The following GMDS variants were observed in gnomAD, a reference collection of about 807,000 sequenced individuals.
GMDS encodes GDP-mannose 4,6 dehydratase.
Under a neutral mutation model 49.9 loss-of-function variants are expected in GMDS, and 20 were observed. That is an observed-to-expected ratio of 0.40 (90% confidence interval 0.28 to 0.58). The LOEUF is 0.58. GMDS is among the 20% of genes least tolerant of loss of function. The probability of loss-of-function intolerance (pLI) is 0.42; values close to 1 mark genes in which losing one functional copy is unlikely to be tolerated. For missense variants in GMDS, 362 were observed against 481.4 expected, an observed-to-expected ratio of 0.75 and a Z score of 2.32; for synonymous variants, 177 against 178.6, an observed-to-expected ratio of 0.99 and a Z score of 0.07.
At chr6:1,990,906 TCTAA>T (rs988763408) in intron 4 of GMDS, among the ~76,000 whole-genome samples, 4 of 152,110 alleles carry the variant, frequency 2.6e-5, no homozygotes, top group African/African-American at 7.2e-5. Flanking sequence ...TTCCTTCTAC[TCTAA>T]CTCTCTGGCT....
At chr6:2,064,135 T>C (rs756220449) in intron 4 of GMDS, among the ~76,000 whole-genome samples, 2 of 152,152 alleles carry the variant, frequency 1.3e-5, no homozygotes, top group Non-Finnish European at 2.9e-5. Context: ...GCTTTCAGAA[T>C]ACAAAGAGTA....
intron 7 of GMDS, among the ~76,000 whole-genome samples, chr6:1,813,163 A>T (rs192143606): frequency 6.7e-6 from 1 of 149,158 alleles, no homozygotes; most frequent in East Asian, 2.0e-4. Context: ...TCAAGGCTAC[A>T]GGAAGCTGTG....
chr6:2,040,518 T>C (rs1264306356), intron 4 of GMDS, among the ~76,000 whole-genome samples: 1 of 152,204 alleles, frequency 6.6e-6, no homozygotes, highest in Non-Finnish European at 1.5e-5. Context: ...ATTAATAACA[T>C]TATCTTTGTA....
chr6:1,687,548 AG>A, intron 9 of GMDS, among the ~76,000 whole-genome samples: 1 of 3,050 alleles, frequency 3.3e-4, no homozygotes, highest in Non-Finnish European at 1.1e-3. Flanking sequence ...CCTGTGTTCC[AG>A]GCACCGTCCT....
At chr6:2,214,470 A>G (rs1309993672) in intron 1 of GMDS, among the ~76,000 whole-genome samples, 2 of 152,200 alleles carry the variant, frequency 1.3e-5, no homozygotes, top group Non-Finnish European at 2.9e-5. Context: ...AACTATTTAC[A>G]TAGCATTTTC....
intron 7 of GMDS, among the ~76,000 whole-genome samples, chr6:1,917,430 C>T (rs1282648140): frequency 1.3e-5 from 2 of 152,216 alleles, no homozygotes; most frequent in Non-Finnish European, 2.9e-5. Flanking sequence ...CCGTGCTCTC[C>T]TAACCATGGT....
intron 4 of GMDS, among the ~76,000 whole-genome samples, chr6:1,965,726 A>C (rs552213154): frequency 1.3e-5 from 2 of 152,276 alleles, no homozygotes; most frequent in Non-Finnish European, 2.9e-5. Flanking sequence ...CCAGCTACTC[A>C]AGAGGCTGAA....
chr6:2,106,536 C>T (rs1774251856), intron 4 of GMDS, among the ~76,000 whole-genome samples: 1 of 152,064 alleles, frequency 6.6e-6, no homozygotes, highest in South Asian at 2.1e-4. Flanking sequence ...TATGTCTTCA[C>T]CTTAATTTAT....
At chr6:1,824,410 G>A (rs553405642) in intron 7 of GMDS, among the ~76,000 whole-genome samples, 13 of 152,100 alleles carry the variant, frequency 8.5e-5, no homozygotes, top group African/African-American at 2.7e-4. Context: ...CTATACCGCC[G>A]CGCCCCGCCC....
intron 4 of GMDS, among the ~76,000 whole-genome samples, chr6:2,018,777 A>G (rs1768061513): frequency 1.3e-5 from 2 of 152,158 alleles, no homozygotes; most frequent in African/African-American, 4.8e-5. Flanking sequence ...GGCTATTATG[A>G]ATAATGCTGC....
At chr6:1,992,575 C>T (rs1468793223) in intron 4 of GMDS, among the ~76,000 whole-genome samples, 1 of 152,222 alleles carries the variant, frequency 6.6e-6, no homozygotes, top group African/African-American at 2.4e-5. Context: ...CCACCCCCAA[C>T]TTTACTCAGC....
intron 9 of GMDS, among the ~76,000 whole-genome samples, chr6:1,715,622 C>T (rs1389047158): frequency 6.6e-6 from 1 of 152,146 alleles, no homozygotes; most frequent in East Asian, 1.9e-4. Flanking sequence ...TTCAACATGC[C>T]TATTGAGATC....
intron 7 of GMDS, among the ~76,000 whole-genome samples, chr6:1,871,058 G>GCACACACACACACA (rs3839602): frequency 6.1e-5 from 9 of 147,212 alleles, no homozygotes; most frequent in African/African-American, 2.2e-4. Context: ...CTATCCCCCA[G>GCACACACACACACA]CACACACACA....
intron 1 of GMDS, among the ~76,000 whole-genome samples, chr6:2,229,976 T>C (rs962277425): frequency 1.2e-4 from 18 of 150,492 alleles, no homozygotes; most frequent in African/African-American, 4.2e-4. Flanking sequence ...ACAACAATGC[T>C]GCCTATTCCA....
At chr6:1,931,441 G>A (rs1762280403) in intron 6 of GMDS, among the ~76,000 whole-genome samples, 1 of 152,114 alleles carries the variant, frequency 6.6e-6, no homozygotes, top group Admixed American at 6.5e-5. Context: ...GAAATACAAT[G>A]GGACTACCGT....
At position 1,624,830 on chromosome 6, in the gene GMDS, T is replaced by C. The variant is rs1455409538; in HGVS notation, c.988-290A>G. The C allele has an allele frequency of 5.0e-3, 401 of 79,590 alleles. 24 individuals carry two copies. The highest frequency in any genetic ancestry group is 8.3e-3 in the Middle Eastern group (2 of 242). The allele number at this position is 79,590 out of a possible 1,614,324, so 4.9% of individuals were successfully genotyped here. On this transcript the variant is annotated intron_variant, in intron 9 of 10. Transcript: ENST00000380815. ...GGCGTCCCTTGGGCTCTTAATGCTT[T>C]TTTTTTTTTTTTTTTTTTTTTTTTA...
chr6:1,698,787 C>CTTT (rs10641587), intron 9 of GMDS, among the ~76,000 whole-genome samples: 1,771 of 132,994 alleles, frequency 0.013, 31 homozygotes, highest in African/African-American at 0.031. Context: ...CCTGGTTTCC[C>CTTT]TTTTTTTTTT....
chr6:1,820,273 T>C (rs1328005886), intron 7 of GMDS, among the ~76,000 whole-genome samples: 1 of 152,176 alleles, frequency 6.6e-6, no homozygotes, highest in Non-Finnish European at 1.5e-5. Context: ...GGATAAAGAA[T>C]GCTTTGGTAG....
chr6:2,053,837 T>C (rs2127439743), intron 4 of GMDS, among the ~76,000 whole-genome samples: 1 of 152,236 alleles, frequency 6.6e-6, no homozygotes, highest in South Asian at 2.1e-4. Flanking sequence ...CATTGCTAAC[T>C]AGGTTAACAT....
Sources: gnomAD v4.1 joint callset for allele counts (sites outside exome capture counted in the v4.1 genomes callset) on GRCh38, gnomAD v4.1.1 for gene constraint, MANE v1.5 for transcripts, NCBI Gene and HGNC (gene_info 2026-07-23, HGNC 2026-07-21) for gene names.